The following BAIAP2 variants were observed in gnomAD, a reference collection of about 807,000 sequenced individuals.
BAIAP2 encodes BAR/IMD domain containing adaptor protein 2.
Under a neutral mutation model 63.0 loss-of-function variants are expected in BAIAP2, and 18 were observed. The observed-to-expected ratio is 0.29, with a 90% confidence interval of 0.20 to 0.42. The LOEUF is 0.42. Ranked by LOEUF, BAIAP2 falls within the 10% of genes least tolerant of loss-of-function variation. BAIAP2 has a pLI of 1.00. For missense variants in BAIAP2, 610 were observed against 734.3 expected (o/e 0.83, Z 1.96); for synonymous variants, 386 against 307.6 (o/e 1.25, Z -2.67).
intron 10 of BAIAP2, chr17:81,105,857 C>A (rs1438072138): frequency 1.0e-5 from 5 of 498,178 alleles, no homozygotes; most frequent in African/African-American, 3.9e-5. Context: ...CCGGCAGCTC[C>A]CACCAGGTTG....
chr17:81,085,800 C>G (rs558988066), intron 5 of BAIAP2, 75 bp downstream of exon 5: 17 of 1,207,804 alleles, frequency 1.4e-5, no homozygotes, highest in Middle Eastern at 5.0e-4. Context: ...CCACTCCTTC[C>G]TCGGCCTGAA....
intron 6 of BAIAP2, among the ~76,000 whole-genome samples, chr17:81,090,520 G>GC (rs917552413): frequency 1.3e-5 from 2 of 152,252 alleles, no homozygotes; most frequent in African/African-American, 2.4e-5. Flanking sequence ...TTGGTGCCAA[G>GC]CACAAGCTGG....
chr17:81,038,905 G>A (rs1000707309), intron 1 of BAIAP2, among the ~76,000 whole-genome samples: 1 of 152,038 alleles, frequency 6.6e-6, no homozygotes, highest in African/African-American at 2.4e-5. Flanking sequence ...CTGGGTGGGG[G>A]GGGCAGCAGA....
chr17:81,088,357 G>A (rs1370721341), intron 6 of BAIAP2, among the ~76,000 whole-genome samples: 2 of 152,224 alleles, frequency 1.3e-5, no homozygotes, highest in Admixed American at 6.5e-5. Context: ...TTCTGCCCTC[G>A]AGGCTCTGTG....
rs764906606 is a variant in BAIAP2, at chr17:81,104,610, G to A, written c.1163G>A (p.Gly388Glu). The A allele has an allele frequency of 6.2e-7, 1 of 1,612,252 alleles. No individual in the cohort carries two copies. Among genetic ancestry groups the A allele is most frequent in the Non-Finnish European group, 8.5e-7 (1 of 1,179,790 alleles). Residue 388 changes from glycine to glutamate, a missense_variant, in exon 10 of 14, where the codon GGG (glycine) becomes GAG (glutamate). By Grantham distance (98) the Gly-to-Glu change is moderately conservative (BLOSUM62 -2). Transcript: ENST00000428708. ...RVKAIFSHAA[G>E]DNSTLLSFKE... ...AAGGCCATCTTCTCCCACGCTGCTG[G>A]GGACAACAGCACCCTCCTGAGCTTC...
intron 6 of BAIAP2, among the ~76,000 whole-genome samples, chr17:81,096,808 T>C (rs948667862): frequency 6.6e-6 from 1 of 152,254 alleles, no homozygotes; most frequent in Non-Finnish European, 1.5e-5. Context: ...TGTCGCACTC[T>C]ACCCCTTCCT....
At chr17:81,091,213 A>ACC (rs1568150110) in intron 6 of BAIAP2, among the ~76,000 whole-genome samples, 2 of 7,554 alleles carry the variant, frequency 2.6e-4, no homozygotes, top group East Asian at 5.1e-3. Context: ...CCCACCCCAC[A>ACC]GGCCTCCTAG....
chr17:81,068,338 G>T (rs1053287000), intron 3 of BAIAP2, among the ~76,000 whole-genome samples: 1 of 152,236 alleles, frequency 6.6e-6, no homozygotes, highest in Non-Finnish European at 1.5e-5. Context: ...CCATGGCAGG[G>T]GTCTCCCCCT....
chr17:81,114,466 AG>A (rs2060286061), intron 13 of BAIAP2, among the ~76,000 whole-genome samples: 1 of 152,126 alleles, frequency 6.6e-6, no homozygotes, highest in South Asian at 2.1e-4. Context: ...GGAAGGGCAA[AG>A]CTGCACCGAT....
Position 81,103,709 on chromosome 17 carries a change from G to A in BAIAP2, c.850G>A (p.Ala284Thr), listed in dbSNP as rs774203588. The change falls in exon 8 of 14, where the codon GCA becomes ACA. Residue 284 changes from alanine (A) to threonine (T), a missense_variant. Ala to Thr is a moderately conservative substitution (Grantham distance 58). Transcript: ENST00000428708. ...AKPLPVPPEL[A>T]PFVGRMSAQE... ...GCCCCTGCCGGTGCCCCCCGAGCTGGCACCGTTCGTGGGGGTGAGTCTGTG... is the reference window on the plus strand; with the variant it reads ...GCCCCTGCCGGTGCCCCCCGAGCTGACACCGTTCGTGGGGGTGAGTCTGTG... 14 of 1,591,396 alleles carry A rather than the reference G, an allele frequency of 8.8e-6. No homozygotes were observed. The highest frequency in any genetic ancestry group is 1.2e-5 in the Non-Finnish European group (14 of 1,170,778).
At chr17:81,110,583 A>C in intron 13 of BAIAP2, 7 of 1,200,158 alleles carry the variant, frequency 5.8e-6, no homozygotes, top group Non-Finnish European at 7.3e-6. Context: ...CCTTGTGCCC[A>C]CCTCTGCCAG....
intron 2 of BAIAP2, among the ~76,000 whole-genome samples, chr17:81,056,660 G>A (rs1426786504): frequency 6.6e-6 from 1 of 152,234 alleles, no homozygotes; most frequent in East Asian, 1.9e-4. Flanking sequence ...TTCCTCATGA[G>A]GGTGGCGGGG....
chr17:81,099,069 T>C (rs2058121587), intron 6 of BAIAP2, among the ~76,000 whole-genome samples: 1 of 145,750 alleles, frequency 6.9e-6, no homozygotes, highest in Admixed American at 6.8e-5. Context: ...TCAGGCCTAC[T>C]TCTCATTCCT....
At chr17:81,084,716 C>A in intron 3 of BAIAP2, 116 bp from the exon 4 acceptor site, 1 of 954,886 alleles carries the variant, frequency 1.0e-6, no homozygotes. Context: ...ACCCCGGGGG[C>A]CCTGCTGCCT....
chr17:81,110,103 C>T, intron 13 of BAIAP2: 1 of 985,360 alleles, frequency 1.0e-6, no homozygotes, highest in Non-Finnish European at 1.2e-6. Flanking sequence ...CAGGGCACAG[C>T]CCGGCTCAGC....
rs116894584 is a variant in BAIAP2 at position 81,100,637 on chromosome 17, A to C, written c.642+557A>C. ...ACTGGGCCCCTAGGCCACCCAAGACAACCATGACACTGGCCCCAGGTCCAG... is the reference window on the plus strand; with the variant it reads ...ACTGGGCCCCTAGGCCACCCAAGACCACCATGACACTGGCCCCAGGTCCAG... On this transcript the variant is annotated intron_variant, in intron 7 of 13. Coordinates refer to ENST00000428708, the MANE Select transcript of BAIAP2 (RefSeq NM_001144888.2). Among the ~76,000 whole-genome samples, 977 of 152,242 alleles carry C rather than the reference A, an allele frequency of 6.4e-3. 3 individuals are homozygous for C. Among genetic ancestry groups the C allele is most frequent in the Admixed American group, 0.012 (184 of 15,308 alleles).
At chr17:81,098,775 G>A (rs1046048479) in intron 6 of BAIAP2, among the ~76,000 whole-genome samples, 2 of 152,164 alleles carry the variant, frequency 1.3e-5, no homozygotes, top group Non-Finnish European at 2.9e-5. Flanking sequence ...AGCCGCCATG[G>A]TCAGAGCCAG....
intron 9 of BAIAP2, 101 bp downstream of exon 9, chr17:81,104,209 G>A (rs1359361512): frequency 7.7e-7 from 1 of 1,306,842 alleles, no homozygotes; most frequent in East Asian, 2.5e-5. Context: ...GAGACCCTGA[G>A]GCTCACAATT....
At chr17:81,109,057 C>T (rs576980334) in intron 13 of BAIAP2, 260 of 1,515,954 alleles carry the variant, frequency 1.7e-4, no homozygotes, top group Middle Eastern at 1.7e-3. Flanking sequence ...CCCCTGGTCT[C>T]GTCCGTTTTC....
Sources: gnomAD v4.1 joint callset for allele counts (sites outside exome capture counted in the v4.1 genomes callset) on GRCh38, gnomAD v4.1.1 for gene constraint, MANE v1.5 for transcripts, NCBI Gene and HGNC (gene_info 2026-07-23, HGNC 2026-07-21) for gene names.